CSMD1: variants seen among roughly 807,000 people sequenced by gnomAD.
The protein encoded by CSMD1 is CUB and sushi domain-containing protein 1.
In CSMD1, 213 loss-of-function variants were observed where a neutral mutation model predicts 417.5. The ratio of observed to expected loss-of-function variants is 0.51; its 90% CI spans 0.46 to 0.57. The LOEUF (loss-of-function observed/expected upper bound fraction) is 0.57. Among genes scored for constraint, CSMD1 ranks in the 20% least tolerant of loss-of-function variants. The probability of loss-of-function intolerance (pLI) is 0.00; values close to 1 mark genes in which losing one functional copy is unlikely to be tolerated. For synonymous variants in CSMD1, 2,862 were observed against 1,736.8 expected (o/e 1.65, Z -16.11); for missense variants, 6,923 against 4,529.7 (o/e 1.53, Z -15.17).
At chr8:4,716,621 C>A (rs1049189685) in intron 1 of CSMD1, among the ~76,000 whole-genome samples, 1 of 152,174 alleles carries the variant, frequency 6.6e-6, no homozygotes, top group Admixed American at 6.5e-5. Context: ...TGGATTAACA[C>A]AGGTCTCCCG....
intron 4 of CSMD1, among the ~76,000 whole-genome samples, chr8:4,004,181 T>A (rs1444004138): frequency 1.3e-5 from 2 of 152,112 alleles, no homozygotes; most frequent in Non-Finnish European, 2.9e-5. Flanking sequence ...ATTGTGGTAT[T>A]ATAGTAATAT....
At chr8:3,141,270 T>A (rs1818422606) in intron 41 of CSMD1, among the ~76,000 whole-genome samples, 1 of 152,186 alleles carries the variant, frequency 6.6e-6, no homozygotes, top group South Asian at 2.1e-4. Flanking sequence ...TACAAAATTA[T>A]ACCTGAGGAA....
intron 17 of CSMD1, among the ~76,000 whole-genome samples, chr8:3,391,704 TACAGTAGCTC>T (rs1811360347): frequency 2.0e-5 from 3 of 152,202 alleles, no homozygotes; most frequent in Non-Finnish European, 4.4e-5. Flanking sequence ...GAATGCTGTT[TACAGTAGCTC>T]ACATTGCCTT....
At chr8:4,773,854 T>G (rs1243208923) in intron 1 of CSMD1, among the ~76,000 whole-genome samples, 1 of 152,204 alleles carries the variant, frequency 6.6e-6, no homozygotes, top group Non-Finnish European at 1.5e-5. Context: ...TGAATTACTT[T>G]TGAAACTCAC....
chr8:4,578,332 A>ATTTTTTTTTTTTTTTTTTTTTTT (rs1172600205), intron 2 of CSMD1, among the ~76,000 whole-genome samples: 1 of 48,768 alleles, frequency 2.1e-5, no homozygotes, highest in African/African-American at 7.6e-5. Flanking sequence ...CACCCGGCTC[A>ATTTTTTTTTTTTTTTTTTTTTTT]TTTTTTTTTT....
At chr8:3,458,086 C>T (rs779821677) in intron 12 of CSMD1, among the ~76,000 whole-genome samples, 3 of 152,200 alleles carry the variant, frequency 2.0e-5, no homozygotes, top group Non-Finnish European at 4.4e-5. Flanking sequence ...AGGAAGTTTG[C>T]TCTAACGTGA....
At chr8:4,157,245 G>A (rs751200622) in intron 3 of CSMD1, among the ~76,000 whole-genome samples, 4 of 152,122 alleles carry the variant, frequency 2.6e-5, no homozygotes, top group Admixed American at 1.3e-4. Flanking sequence ...ACACAACAGG[G>A]CCCGTTTGTC....
intron 12 of CSMD1, among the ~76,000 whole-genome samples, chr8:3,445,141 C>T (rs750131393): frequency 2.6e-5 from 4 of 152,150 alleles, no homozygotes; most frequent in East Asian, 1.9e-4. Flanking sequence ...ATACTTACAA[C>T]CTACATCAAA....
chr8:4,356,717 T>C (rs1474831720), intron 3 of CSMD1, among the ~76,000 whole-genome samples: 2 of 152,100 alleles, frequency 1.3e-5, no homozygotes, highest in African/African-American at 4.8e-5. Flanking sequence ...TGCTCTCCAA[T>C]GGAGAGGTAC....
At chr8:3,337,064 G>A (rs1807312079) in intron 23 of CSMD1, among the ~76,000 whole-genome samples, 1 of 152,064 alleles carries the variant, frequency 6.6e-6, no homozygotes, top group Non-Finnish European at 1.5e-5. Flanking sequence ...GGTTGGCCAG[G>A]CCTTGCTGTC....
At chr8:3,279,557 C>T (rs1045030748) in intron 26 of CSMD1, among the ~76,000 whole-genome samples, 2 of 152,000 alleles carry the variant, frequency 1.3e-5, no homozygotes, top group Non-Finnish European at 2.9e-5. Flanking sequence ...AGTTTCTTGC[C>T]TAAGGTTGGG....
chr8:4,509,791 C>T (rs1438572886), intron 2 of CSMD1, among the ~76,000 whole-genome samples: 1 of 152,166 alleles, frequency 6.6e-6, no homozygotes, highest in African/African-American at 2.4e-5. Flanking sequence ...ATCATTACCA[C>T]CCCCATGACA....
intron 9 of CSMD1, among the ~76,000 whole-genome samples, chr8:3,582,600 C>T (rs868342189): frequency 6.6e-6 from 1 of 152,160 alleles, no homozygotes; most frequent in South Asian, 2.1e-4. Flanking sequence ...CAACTGCTAG[C>T]CACACGTGGC....
intron 3 of CSMD1, among the ~76,000 whole-genome samples, chr8:4,126,205 A>C (rs1802755239): frequency 1.3e-5 from 2 of 152,100 alleles, no homozygotes; most frequent in African/African-American, 4.8e-5. Context: ...CTGATCCCCA[A>C]ATGCTCTGGG....
At position 4,850,597 on chromosome 8, in the gene CSMD1, C is replaced by G. The variant is rs145716944; in HGVS notation, c.85+143735G>C. On this transcript the variant is annotated intron_variant, in intron 1 of 69. Transcript: ENST00000635120. ...GCGAAGTAGAAATCCTTCATCCTCT[C>G]TTCCTCATCACTTAGTCTCTTTCTT... 8.1e-3 allele frequency among the ~76,000 whole-genome samples: 1,233 copies of G among 152,150 alleles called. 13 individuals carry two copies. Among genetic ancestry groups the G allele is most frequent in the Admixed American group, 0.036 (549 of 15,278 alleles).
chr8:4,072,979 G>C (rs1032803860), intron 3 of CSMD1, among the ~76,000 whole-genome samples: 3 of 152,090 alleles, frequency 2.0e-5, no homozygotes, highest in Admixed American at 6.5e-5. Flanking sequence ...ATCAGATTTT[G>C]CCTTGAATTA....
At chr8:3,177,110 C>G (rs927045187) in intron 37 of CSMD1, among the ~76,000 whole-genome samples, 6 of 152,128 alleles carry the variant, frequency 3.9e-5, no homozygotes, top group Non-Finnish European at 8.8e-5. Flanking sequence ...CAAACTCCCC[C>G]AGAAGAGACG....
At chr8:4,351,196 G>T (rs534415155) in intron 3 of CSMD1, among the ~76,000 whole-genome samples, 21 of 151,986 alleles carry the variant, frequency 1.4e-4, no homozygotes, top group Non-Finnish European at 2.8e-4. Context: ...ACTTCTAGGA[G>T]TTAATAAAAT....
At chr8:3,142,097 G>A (rs976459327) in intron 41 of CSMD1, among the ~76,000 whole-genome samples, 2 of 152,036 alleles carry the variant, frequency 1.3e-5, no homozygotes, top group African/African-American at 2.4e-5. Flanking sequence ...GCGCCCGGCC[G>A]CCAAATTATC....
Sources: gnomAD v4.1 joint callset for allele counts (sites outside exome capture counted in the v4.1 genomes callset) on GRCh38, gnomAD v4.1.1 for gene constraint, MANE v1.5 for transcripts, NCBI Gene and HGNC (gene_info 2026-07-23, HGNC 2026-07-21) for gene names.